Variants in JMJD1C observed in about 807,000 individuals in gnomAD.
The protein encoded by JMJD1C is jumonji domain containing 1C.
Under a neutral mutation model 245.3 loss-of-function variants are expected in JMJD1C, and 31 were observed. That is an observed-to-expected ratio of 0.13 (90% CI 0.09 to 0.17). JMJD1C has a LOEUF of 0.17. Ranked by LOEUF, JMJD1C falls within the 10% of genes least tolerant of loss-of-function variation. The pLI, the probability that JMJD1C is intolerant of heterozygous loss-of-function variation, is 1.00. For missense variants in JMJD1C, 2,691 were observed against 3,000.2 expected, an observed-to-expected ratio of 0.90 and a Z score of 2.41; for synonymous variants, 1,057 against 1,017.4, an observed-to-expected ratio of 1.04 and a Z score of -0.74.
At chr10:63,402,190 C>A (rs2132595682) in intron 1 of JMJD1C, among the ~76,000 whole-genome samples, 1 of 148,608 alleles carries the variant, frequency 6.7e-6, no homozygotes, top group Non-Finnish European at 1.5e-5. Context: ...CAAAAGCAAA[C>A]ATACAAAGGG....
At chr10:63,382,246 A>G (rs1000120495) in intron 1 of JMJD1C, among the ~76,000 whole-genome samples, 3 of 152,306 alleles carry the variant, frequency 2.0e-5, no homozygotes, top group Admixed American at 6.5e-5. Flanking sequence ...TAAATACTTC[A>G]TATTTTGCAA....
At chr10:63,463,187 C>A (rs1252360876) in intron 1 of JMJD1C, among the ~76,000 whole-genome samples, 4 of 152,122 alleles carry the variant, frequency 2.6e-5, no homozygotes, top group Non-Finnish European at 5.9e-5. Flanking sequence ...TATTTAGAGA[C>A]AGGATCTCAC....
intron 1 of JMJD1C, among the ~76,000 whole-genome samples, chr10:63,495,603 T>G (rs926868908): frequency 4.6e-5 from 7 of 151,862 alleles, no homozygotes; most frequent in Admixed American, 3.3e-4. Flanking sequence ...GAAACCCCCG[T>G]CTCTACTAAA....
intron 1 of JMJD1C, among the ~76,000 whole-genome samples, chr10:63,439,623 C>G (rs1951248843): frequency 6.6e-6 from 1 of 152,042 alleles, no homozygotes; most frequent in Admixed American, 6.6e-5. Flanking sequence ...GTTTTTAAGG[C>G]CTTATTTCTA....
chr10:63,380,376 C>T lies in JMJD1C; in HGVS notation c.275G>A (p.Arg92Lys). The T allele has an allele frequency of 6.2e-7, 1 of 1,613,986 alleles. No homozygotes were observed. The highest frequency in any genetic ancestry group is 8.5e-7 in the Non-Finnish European group (1 of 1,179,936). The stretch of plus-strand genomic sequence containing the variant: ...TCCCTGAGTCTGGCTAGGGTCATTC[C>T]TTTTGGCCCAGATTAAGTGGTATTC... ...LVEYHLIWAK[R>K]NDPSQTQGSK... is the part of the protein sequence containing the mutation. Residue 92 changes from arginine (R) to lysine (K), a missense_variant, in exon 2 of 26, where the codon AGG becomes AAG. Transcript: ENST00000399262.
At chr10:63,398,262 C>T (rs1005502015) in intron 1 of JMJD1C, among the ~76,000 whole-genome samples, 1 of 152,070 alleles carries the variant, frequency 6.6e-6, no homozygotes, top group Non-Finnish European at 1.5e-5. Context: ...CCCAGGTCAC[C>T]CAACCATATA....
At chr10:63,499,421 GC>G (rs1954470286) in intron 1 of JMJD1C, among the ~76,000 whole-genome samples, 1 of 152,138 alleles carries the variant, frequency 6.6e-6, no homozygotes, top group Non-Finnish European at 1.5e-5. Context: ...GTCTGGCTTT[GC>G]CTTTGGTGAC....
At chr10:63,504,821 C>T (rs899535848) in intron 1 of JMJD1C, among the ~76,000 whole-genome samples, 2 of 152,064 alleles carry the variant, frequency 1.3e-5, no homozygotes, top group African/African-American at 2.4e-5. Flanking sequence ...TTCAACACCA[C>T]CCCAGGCAAC....
chr10:63,298,460 G>C (rs915285858), intron 2 of JMJD1C, among the ~76,000 whole-genome samples: 1 of 152,060 alleles, frequency 6.6e-6, no homozygotes, highest in East Asian at 1.9e-4. Context: ...GCATCATGCC[G>C]ATCCCTGCCA....
At chr10:63,362,841 C>T (rs1301351098) in intron 2 of JMJD1C, among the ~76,000 whole-genome samples, 2 of 152,018 alleles carry the variant, frequency 1.3e-5, no homozygotes, top group Non-Finnish European at 2.9e-5. Context: ...GACTGAGGAT[C>T]CCTGACTAAG....
intron 1 of JMJD1C, among the ~76,000 whole-genome samples, chr10:63,393,406 T>C (rs904578537): frequency 1.3e-5 from 2 of 152,182 alleles, no homozygotes; most frequent in African/African-American, 4.8e-5. Flanking sequence ...GGTGAGGATG[T>C]AGAGAAAAGG....
At chr10:63,505,650 C>T (rs1247695403) in intron 1 of JMJD1C, among the ~76,000 whole-genome samples, 1 of 151,734 alleles carries the variant, frequency 6.6e-6, no homozygotes, top group South Asian at 2.1e-4. Flanking sequence ...TTTAGTTGGT[C>T]TGGGGTAGGA....
intron 1 of JMJD1C, among the ~76,000 whole-genome samples, chr10:63,507,179 G>A (rs1954744022): frequency 6.6e-6 from 1 of 152,124 alleles, no homozygotes; most frequent in South Asian, 2.1e-4. Flanking sequence ...AGGCATCTTG[G>A]TTATTTCCAA....
chr10:63,509,553 G>A (rs1004964310), intron 1 of JMJD1C, among the ~76,000 whole-genome samples: 3 of 152,148 alleles, frequency 2.0e-5, no homozygotes, highest in African/African-American at 7.2e-5. Flanking sequence ...TTCTGTTTGG[G>A]AAGATTATTA....
At chr10:63,328,291 G>GA (rs903901794) in intron 2 of JMJD1C, among the ~76,000 whole-genome samples, 5 of 115,222 alleles carry the variant, frequency 4.3e-5, no homozygotes, top group Non-Finnish European at 1.6e-5. Context: ...AAAAAAAAAA[G>GA]AAAGAAAAGA....
intron 2 of JMJD1C, among the ~76,000 whole-genome samples, chr10:63,377,390 G>A (rs1284038596): frequency 6.6e-6 from 1 of 152,014 alleles, no homozygotes; most frequent in Non-Finnish European, 1.5e-5. Flanking sequence ...AGTTAAAATG[G>A]CAAATTTTAT....
At chr10:63,187,831 G>A (rs1242050660) in intron 18 of JMJD1C, among the ~76,000 whole-genome samples, 1 of 152,128 alleles carries the variant, frequency 6.6e-6, no homozygotes, top group East Asian at 1.9e-4. Context: ...ATTATAAAAT[G>A]TCAATTTGAT....
At chr10:63,399,571 CTT>C (rs1164224657) in intron 1 of JMJD1C, among the ~76,000 whole-genome samples, 1 of 152,068 alleles carries the variant, frequency 6.6e-6, no homozygotes, top group East Asian at 1.9e-4. Context: ...AACTCATTTA[CTT>C]TGTCACACAA....
intron 2 of JMJD1C, chr10:63,268,596 G>T (rs1439570017): frequency 4.3e-5 from 24 of 552,004 alleles, no homozygotes; most frequent in Non-Finnish European, 5.5e-5. Flanking sequence ...AATTTCTCAG[G>T]CTGAGAAGAA....
Sources: allele counts gnomAD v4.1 joint callset (sites outside exome capture counted in the v4.1 genomes callset), GRCh38; gene constraint gnomAD v4.1.1; transcripts MANE v1.5; gene names NCBI Gene and HGNC (gene_info 2026-07-23, HGNC 2026-07-21).